The following STXBP5 variants were observed in gnomAD, a reference collection of about 807,000 sequenced individuals.
The protein encoded by STXBP5 is syntaxin binding protein 5, also known as syntaxin-binding protein 5.
In STXBP5, 50 loss-of-function variants were observed where a neutral mutation model predicts 152.4. The ratio of observed to expected loss-of-function variants is 0.33; its 90% CI spans 0.26 to 0.42. STXBP5 has a LOEUF of 0.42. STXBP5 is among the 10% of genes least tolerant of loss of function. The pLI is 1.00. For synonymous variants in STXBP5, 492 were observed against 494.7 expected (o/e 0.99, Z 0.07); for missense variants, 1,167 against 1,388.6 (o/e 0.84, Z 2.54).
intron 2 of STXBP5, among the ~76,000 whole-genome samples, chr6:147,214,278 A>C (rs1220595180): frequency 6.6e-6 from 1 of 152,190 alleles, no homozygotes; most frequent in African/African-American, 2.4e-5. Context: ...GCCATCATCT[A>C]CTTTCAGATT....
At chr6:147,333,357 A>G (rs1783674254) in intron 18 of STXBP5, among the ~76,000 whole-genome samples, 1 of 152,056 alleles carries the variant, frequency 6.6e-6, no homozygotes, top group Non-Finnish European at 1.5e-5. Flanking sequence ...CCCCATCCCT[A>G]CTAAAAATAC....
chr6:147,223,927 A>G (rs1290727120), intron 2 of STXBP5, among the ~76,000 whole-genome samples: 2 of 152,358 alleles, frequency 1.3e-5, no homozygotes, highest in African/African-American at 4.8e-5. Context: ...TGGTGTAACC[A>G]TGAGGAAATA....
chr6:147,308,714 T>C (rs1782221885), intron 9 of STXBP5, among the ~76,000 whole-genome samples: 1 of 152,192 alleles, frequency 6.6e-6, no homozygotes, highest in South Asian at 2.1e-4. Context: ...ATCTATTGCA[T>C]TGATATTTAA....
At chr6:147,309,837 T>C (rs968996018) in intron 9 of STXBP5, among the ~76,000 whole-genome samples, 4 of 152,148 alleles carry the variant, frequency 2.6e-5, no homozygotes, top group African/African-American at 9.7e-5. Context: ...ATTTAGGAGA[T>C]AAAGTTTTAG....
At chr6:147,273,826 C>G (rs1780303282) in intron 7 of STXBP5, among the ~76,000 whole-genome samples, 2 of 151,926 alleles carry the variant, frequency 1.3e-5, no homozygotes, top group Admixed American at 6.6e-5. Context: ...GTGGTGGGCA[C>G]CTGTAGTCCC....
At chr6:147,213,151 A>G (rs1196369047) in intron 2 of STXBP5, among the ~76,000 whole-genome samples, 2 of 152,182 alleles carry the variant, frequency 1.3e-5, no homozygotes, top group African/African-American at 4.8e-5. Context: ...GGGCATGTAC[A>G]TGTAAGTAAC....
intron 1 of STXBP5, among the ~76,000 whole-genome samples, chr6:147,205,173 T>G: frequency 7.2e-6 from 1 of 139,742 alleles, no homozygotes; most frequent in South Asian, 2.2e-4. Flanking sequence ...TTTTTATCAT[T>G]ATGTTTGTTA....
rs73787169 is a variant in STXBP5 at position 147,367,971 on chromosome 6, T to A, written c.3081+3805T>A. Among the ~76,000 whole-genome samples, 1,114 of 150,938 alleles carry A rather than the reference T, an allele frequency of 7.4e-3. 11 individuals are homozygous for A. The highest frequency in any genetic ancestry group is 0.025 in the African/African-American group (1,040 of 41,172). ...TTACCAAGCCTCACTGAAAAAAAAA[T>A]AGATAACCGAAATAGTCCTGTGTCT... On this transcript the variant is annotated intron_variant, in intron 25 of 27. Transcript: ENST00000321680.
intron 19 of STXBP5, among the ~76,000 whole-genome samples, chr6:147,336,803 C>T (rs1459304798): frequency 2.0e-5 from 3 of 151,862 alleles, no homozygotes; most frequent in East Asian, 1.9e-4. Context: ...ATAAAGTAGC[C>T]ATATGCCTTT....
chr6:147,209,876 G>A (rs1182662890), intron 2 of STXBP5, among the ~76,000 whole-genome samples: 2 of 152,176 alleles, frequency 1.3e-5, no homozygotes, highest in African/African-American at 4.8e-5. Flanking sequence ...TGCGAGTTTG[G>A]AGGAATACTA....
intron 7 of STXBP5, among the ~76,000 whole-genome samples, chr6:147,267,682 G>T (rs555754308): frequency 2.0e-5 from 3 of 151,574 alleles, no homozygotes; most frequent in African/African-American, 7.3e-5. Flanking sequence ...ATGTTTTTTT[G>T]TTTTTTGTTT....
At chr6:147,299,380 A>T (rs925951914) in intron 9 of STXBP5, among the ~76,000 whole-genome samples, 1 of 152,020 alleles carries the variant, frequency 6.6e-6, no homozygotes, top group African/African-American at 2.4e-5. Flanking sequence ...TGTCCCAGTA[A>T]AGAAAAGCCC....
intron 8 of STXBP5, among the ~76,000 whole-genome samples, chr6:147,289,420 C>T (rs939465915): frequency 4.0e-5 from 6 of 151,858 alleles, no homozygotes; most frequent in Admixed American, 1.3e-4. Flanking sequence ...TTGGAAGAAC[C>T]GATATTTTAG....
intron 7 of STXBP5, among the ~76,000 whole-genome samples, chr6:147,274,498 T>G (rs917076194): frequency 6.6e-6 from 1 of 152,192 alleles, no homozygotes; most frequent in African/African-American, 2.4e-5. Context: ...TTATATAGTA[T>G]TATGGTTGTC....
chr6:147,373,382 A>AAC (rs1785655938), intron 25 of STXBP5, among the ~76,000 whole-genome samples: 1 of 151,614 alleles, frequency 6.6e-6, no homozygotes, highest in African/African-American at 2.4e-5. Context: ...AAAAAAAAAA[A>AAC]AAAAAACTTC....
intron 4 of STXBP5, among the ~76,000 whole-genome samples, chr6:147,252,107 C>T (rs904143434): frequency 2.0e-5 from 3 of 152,078 alleles, no homozygotes; most frequent in Admixed American, 6.5e-5. Flanking sequence ...GTAGATAAAT[C>T]AACAAAGATA....
chr6:147,255,474 C>A (rs1390652294), intron 4 of STXBP5, among the ~76,000 whole-genome samples: 3 of 151,632 alleles, frequency 2.0e-5, no homozygotes, highest in Non-Finnish European at 4.4e-5. Flanking sequence ...GAAAGGTCTA[C>A]TTCATGAAAG....
At chr6:147,244,015 C>G (rs1341864988) in intron 4 of STXBP5, among the ~76,000 whole-genome samples, 2 of 151,782 alleles carry the variant, frequency 1.3e-5, no homozygotes, top group Admixed American at 1.3e-4. Flanking sequence ...TCTATGGGAT[C>G]CACATCTGGA....
intron 2 of STXBP5, among the ~76,000 whole-genome samples, chr6:147,214,989 AAAG>A (rs1175951023): frequency 1.3e-5 from 2 of 152,234 alleles, no homozygotes; most frequent in African/African-American, 4.8e-5. Context: ...GCAGACACTT[AAAG>A]AAGATCTGAG....
Sources: allele counts gnomAD v4.1 joint callset (sites outside exome capture counted in the v4.1 genomes callset), GRCh38; gene constraint gnomAD v4.1.1; transcripts MANE v1.5; gene names NCBI Gene and HGNC (gene_info 2026-07-23, HGNC 2026-07-21).